Variants in SIAH3 observed in about 807,000 individuals in gnomAD.
SIAH3 encodes seven in absentia homolog 3.
In SIAH3, 9 loss-of-function variants were observed where a neutral mutation model predicts 12.6. The observed-to-expected ratio is 0.72, with a 90% CI of 0.43 to 1.25. The LOEUF is 1.25. SIAH3 is among the 50% of genes most tolerant of loss of function. The probability of loss-of-function intolerance (pLI) is 0.00; values close to 1 mark genes in which losing one functional copy is unlikely to be tolerated. For missense variants in SIAH3, 390 were observed against 365.4 expected (o/e 1.07, Z -0.55); for synonymous variants, 154 against 151.1 (o/e 1.02, Z -0.14).
At position 45,820,979 on chromosome 13, in the gene SIAH3, C is replaced by T. The variant is rs190190438; in HGVS notation, c.135+30516G>A. 3.4e-4 allele frequency among the ~76,000 whole-genome samples: 52 copies of T among 152,328 alleles called. No individual in the cohort carries two copies. In the East Asian group the frequency reaches 9.4e-3, roughly 28 times the overall value. ...TCTGTTGTTTCCTTCTCTGTGTTCC[C>T]CTCTGTCCCTTCTGCATATATATGA... On this transcript the variant is annotated intron_variant, in intron 1 of 1. Coordinates refer to ENST00000400405, the MANE Select transcript of SIAH3 (RefSeq NM_198849.3).
chr13:45,801,443 C>G (rs1210280602), intron 1 of SIAH3, among the ~76,000 whole-genome samples: 2 of 152,136 alleles, frequency 1.3e-5, no homozygotes, highest in Non-Finnish European at 2.9e-5. Flanking sequence ...AAGGTGCAAT[C>G]AGATTACAGA....
intron 1 of SIAH3, among the ~76,000 whole-genome samples, chr13:45,822,940 G>T (rs371690367): frequency 3.8e-5 from 3 of 79,618 alleles, no homozygotes; most frequent in Admixed American, 1.8e-4. Context: ...CCACAAAGTC[G>T]TCCCAAGGTC....
intron 1 of SIAH3, among the ~76,000 whole-genome samples, chr13:45,806,603 G>A (rs562634561): frequency 1.3e-5 from 2 of 152,100 alleles, no homozygotes; most frequent in Non-Finnish European, 2.9e-5. Flanking sequence ...GGTTGAAAAA[G>A]TATCTATTGC....
At chr13:45,822,292 A>G (rs577442662) in intron 1 of SIAH3, among the ~76,000 whole-genome samples, 1 of 152,090 alleles carries the variant, frequency 6.6e-6, no homozygotes, top group South Asian at 2.1e-4. Flanking sequence ...TTCAGCTCCA[A>G]TATAATTTTC....
intron 1 of SIAH3, among the ~76,000 whole-genome samples, chr13:45,804,725 G>A (rs1950593010): frequency 6.6e-6 from 1 of 151,966 alleles, no homozygotes; most frequent in South Asian, 2.1e-4. Context: ...AGAGCAATCA[G>A]GCAAGAGAAG....
chr13:45,816,141 C>A (rs897187766), intron 1 of SIAH3, among the ~76,000 whole-genome samples: 1 of 152,244 alleles, frequency 6.6e-6, no homozygotes, highest in African/African-American at 2.4e-5. Flanking sequence ...CTGTGCTTCA[C>A]TGCCCTGTGA....
chr13:45,831,947 G>T (rs1386878769), intron 1 of SIAH3, among the ~76,000 whole-genome samples: 3 of 152,218 alleles, frequency 2.0e-5, no homozygotes, highest in African/African-American at 7.2e-5. Context: ...ATACAGCCAG[G>T]GAATCCCACC....
intron 1 of SIAH3, among the ~76,000 whole-genome samples, chr13:45,820,043 A>G (rs1379495215): frequency 6.6e-6 from 1 of 152,206 alleles, no homozygotes; most frequent in African/African-American, 2.4e-5. Flanking sequence ...AGGGCAAGAG[A>G]GCCGAATGCT....
intron 1 of SIAH3, among the ~76,000 whole-genome samples, chr13:45,806,850 T>G (rs1372283098): frequency 3.9e-5 from 6 of 152,190 alleles, no homozygotes; most frequent in Non-Finnish European, 8.8e-5. Flanking sequence ...TCTGGAAGCA[T>G]CACTGAAATC....
At chr13:45,842,417 C>T (rs146293567) in intron 1 of SIAH3, among the ~76,000 whole-genome samples, 206 of 152,278 alleles carry the variant, frequency 1.4e-3, no homozygotes, top group Admixed American at 5.4e-3. Context: ...AGTCATGGCT[C>T]ACCACAGCCT....
chr13:45,783,508 T>C lies in SIAH3; in HGVS notation c.685A>G (p.Ile229Val). The C allele has an allele frequency of 1.9e-6, 3 of 1,614,146 alleles. No individual in the cohort carries two copies. Among genetic ancestry groups the C allele is most frequent in the Non-Finnish European group, 2.5e-6 (3 of 1,180,030 alleles). Reference protein sequence around the residue: ...RSVLECVDSVITDGDCLVLNT... With the variant: ...RSVLECVDSVVTDGDCLVLNT... ...AGGACGAGGCAGTCCCCGTCCGTAA[T>C]CACCGAGTCCACGCACTCAAGAACA... Residue 229 changes from isoleucine (I) to valine (V), a missense_variant, in exon 2 of 2, where the codon ATT becomes GTT. Physicochemically the swap from Ile to Val is conservative, Grantham distance 29 (BLOSUM62 3). Transcript: ENST00000400405.
chr13:45,783,557 G>C lies in SIAH3; in HGVS notation c.636C>G (p.Leu212=). The part of the protein sequence containing the change: ...RLELNRNHRR[L]KWEATPRSVL... The stretch of plus-strand genomic sequence containing the variant: ...CAGACCGGGGCGTGGCCTCCCACTT[G>C]AGGCGCCGATGGTTTCTGTTGAGCT... The change falls in exon 2 of 2, where the codon CTC becomes CTG. Residue 212 remains leucine, a synonymous_variant. Transcript: ENST00000400405. The C allele has an allele frequency of 6.2e-7, 1 of 1,614,246 alleles. No individual in the cohort carries two copies.
chr13:45,817,997 T>C (rs1162868110), intron 1 of SIAH3, among the ~76,000 whole-genome samples: 4 of 152,208 alleles, frequency 2.6e-5, no homozygotes, highest in Non-Finnish European at 4.4e-5. Context: ...TATTCACTGA[T>C]GCCTTCCTAC....
Position 45,782,145 on chromosome 13 carries a change from A to T in SIAH3, c.*1238T>A, listed in dbSNP as rs1950506817. On this transcript the variant is annotated 3_prime_UTR_variant, in exon 2 of 2. Coordinates refer to ENST00000400405, the MANE Select transcript of SIAH3 (RefSeq NM_198849.3). ...ATACACGAGAGACTTCTACAAGAAG[A>T]TGTTGATGAATTGTTCTGACAACCA... 6.6e-6 allele frequency: 1 copy of T among 152,254 alleles called. No individual in the cohort carries two copies. The highest frequency in any genetic ancestry group is 2.4e-5 in the African/African-American group (1 of 41,468). The allele number at this position is 152,254 out of a possible 1,614,324, so 9.4% of individuals were successfully genotyped here.
chr13:45,785,379 AC>A (rs1425009716), intron 1 of SIAH3, among the ~76,000 whole-genome samples: 1 of 151,972 alleles, frequency 6.6e-6, no homozygotes, highest in Non-Finnish European at 1.5e-5. Context: ...TTGCCTCCTC[AC>A]CCTGCTTCAG....
rs116708628 is a variant in SIAH3 at position 45,809,880 on chromosome 13, T to C, written c.136-25823A>G. Among the ~76,000 whole-genome samples the C allele has an allele frequency of 2.2e-3, 330 of 152,342 alleles. 2 individuals carry two copies. Among genetic ancestry groups the C allele is most frequent in the African/African-American group, 7.6e-3 (315 of 41,580 alleles). ...ACTAAATGTTGTTTCAAGAATAATG[T>C]AGTCAAGGGGGAGACAAAACAAAAT... On this transcript the variant is annotated intron_variant, in intron 1 of 1. Transcript: ENST00000400405.
intron 1 of SIAH3, among the ~76,000 whole-genome samples, chr13:45,791,369 C>G (rs1449846564): frequency 6.6e-6 from 1 of 152,204 alleles, no homozygotes; most frequent in East Asian, 1.9e-4. Flanking sequence ...TTAATATATG[C>G]TGCTTGAATG....
intron 1 of SIAH3, among the ~76,000 whole-genome samples, chr13:45,818,888 G>T (rs1164502956): frequency 6.6e-6 from 1 of 152,208 alleles, no homozygotes; most frequent in Non-Finnish European, 1.5e-5. Flanking sequence ...ACCATGATAA[G>T]ACAGTCATTC....
intron 1 of SIAH3, among the ~76,000 whole-genome samples, chr13:45,795,765 GA>G (rs1159386535): frequency 3.9e-5 from 6 of 152,180 alleles, no homozygotes; most frequent in African/African-American, 1.4e-4. Flanking sequence ...TATGTGATCA[GA>G]AAACCTGCAC....
Sources: gnomAD v4.1 joint callset for allele counts (sites outside exome capture counted in the v4.1 genomes callset) on GRCh38, gnomAD v4.1.1 for gene constraint, MANE v1.5 for transcripts, NCBI Gene and HGNC (gene_info 2026-07-23, HGNC 2026-07-21) for gene names.